FNDC1: variants seen among roughly 807,000 people sequenced by gnomAD.
FNDC1 encodes the protein fibronectin type III domain-containing protein 1.
A neutral mutation model predicts 168.0 loss-of-function variants in FNDC1; 96 were observed. The ratio of observed to expected loss-of-function variants is 0.57; its 90% CI spans 0.48 to 0.68. FNDC1 has a LOEUF of 0.68. Among genes scored for constraint, FNDC1 ranks in the 30% least tolerant of loss-of-function variants. The pLI is 0.00. For missense variants in FNDC1, 2,587 were observed against 2,482.1 expected, an observed-to-expected ratio of 1.04 and a Z score of -0.90; for synonymous variants, 1,099 against 1,025.9, an observed-to-expected ratio of 1.07 and a Z score of -1.36.
chr6:159,182,400 C>T (rs1034854163), intron 1 of FNDC1, among the ~76,000 whole-genome samples: 2 of 152,214 alleles, frequency 1.3e-5, no homozygotes, highest in Non-Finnish European at 2.9e-5. Flanking sequence ...TCTTGGAATT[C>T]AAGCCCTGGA....
intron 14 of FNDC1, among the ~76,000 whole-genome samples, chr6:159,242,771 TG>T (rs1394350076): frequency 6.6e-6 from 1 of 152,262 alleles, no homozygotes; most frequent in African/African-American, 2.4e-5. Flanking sequence ...TGGGACATTT[TG>T]TATAAATGGA....
intron 1 of FNDC1, among the ~76,000 whole-genome samples, chr6:159,174,101 A>G (rs1263371378): frequency 6.6e-6 from 1 of 152,246 alleles, no homozygotes; most frequent in Non-Finnish European, 1.5e-5. Context: ...AGGTATTTAA[A>G]GGTATAAAAG....
chr6:159,267,208 C>T (rs933741616), intron 21 of FNDC1, among the ~76,000 whole-genome samples: 2 of 151,804 alleles, frequency 1.3e-5, no homozygotes, highest in Non-Finnish European at 2.9e-5. Context: ...CCAACAAGTA[C>T]GGTCTGTCTC....
At chr6:159,249,300 A>G (rs1197552768) in intron 16 of FNDC1, 118 bp downstream of exon 16, 2 of 979,132 alleles carry the variant, frequency 2.0e-6, no homozygotes, top group Admixed American at 2.9e-5. Context: ...TTTTTCCAGA[A>G]TGAAGTTTCC....
At chr6:159,259,580 T>A (rs1288495436) in intron 18 of FNDC1, among the ~76,000 whole-genome samples, 1 of 152,204 alleles carries the variant, frequency 6.6e-6, no homozygotes, top group Non-Finnish European at 1.5e-5. Context: ...TCCTTCCTTA[T>A]GTTTTAATTT....
chr6:159,171,294 C>T (rs1390121183), intron 1 of FNDC1, among the ~76,000 whole-genome samples: 1 of 152,216 alleles, frequency 6.6e-6, no homozygotes, highest in African/African-American at 2.4e-5. Flanking sequence ...AGGACAGGCA[C>T]ATTTCAGAAT....
At chr6:159,237,996 T>C (rs530791409) in intron 12 of FNDC1, among the ~76,000 whole-genome samples, 2 of 152,342 alleles carry the variant, frequency 1.3e-5, no homozygotes, top group African/African-American at 4.8e-5. Flanking sequence ...ATGTACTTAA[T>C]GGTAAAAATA....
At chr6:159,236,624 C>T (rs1353099175) in intron 12 of FNDC1, among the ~76,000 whole-genome samples, 1 of 152,218 alleles carries the variant, frequency 6.6e-6, no homozygotes, top group East Asian at 1.9e-4. Flanking sequence ...CAATGGATGG[C>T]CGTTCAAAGG....
At chr6:159,267,740 A>T in intron 21 of FNDC1, 64 bp from the exon 22 acceptor site, 1 of 1,590,072 alleles carries the variant, frequency 6.3e-7, no homozygotes, top group Admixed American at 1.8e-5. Context: ...TTGTGCAAAA[A>T]AACTCCTAAA....
Position 159,249,108 on chromosome 6 carries a change from T to A in FNDC1, c.4760T>A (p.Val1587Glu). ...EPSTTATTPR[V>E]IPEEGAISSF... ...TCGACCACTGCTACCACACCGAGGGTGATCCCAGAGGAAGGCGCCATCAGT... is the reference window on the plus strand; with the variant it reads ...TCGACCACTGCTACCACACCGAGGGAGATCCCAGAGGAAGGCGCCATCAGT... Residue 1587 changes from valine to glutamate, a missense_variant, in exon 16 of 23, where the codon GTG becomes GAG. Val to Glu is a moderately radical substitution (Grantham distance 121). Coordinates refer to ENST00000297267, the MANE Select transcript of FNDC1 (RefSeq NM_032532.3). 1 of 1,609,056 alleles carries A rather than the reference T, an allele frequency of 6.2e-7. No individual in the cohort carries two copies. Among genetic ancestry groups the A allele is most frequent in the South Asian group, 1.1e-5 (1 of 89,670 alleles).
At chr6:159,200,892 G>A (rs546496466) in intron 4 of FNDC1, among the ~76,000 whole-genome samples, 1 of 152,338 alleles carries the variant, frequency 6.6e-6, no homozygotes, top group South Asian at 2.1e-4. Context: ...ACCAGATTAG[G>A]ATATTTATAG....
At chr6:159,181,830 G>T (rs901975825) in intron 1 of FNDC1, among the ~76,000 whole-genome samples, 2 of 152,188 alleles carry the variant, frequency 1.3e-5, no homozygotes, top group East Asian at 3.8e-4. Context: ...GATGAAGGCA[G>T]TCTTGTTCTA....
chr6:159,222,513 C>A (rs1782849629), intron 6 of FNDC1, among the ~76,000 whole-genome samples: 1 of 152,064 alleles, frequency 6.6e-6, no homozygotes. Context: ...AAAAACGAAA[C>A]AAAAAACTAA....
intron 2 of FNDC1, 129 bp from the exon 3 acceptor site, chr6:159,199,867 T>C (rs1458865109): frequency 7.1e-6 from 5 of 705,712 alleles, no homozygotes; most frequent in African/African-American, 5.3e-5. Context: ...ATTATGCTTG[T>C]CACTGAATTT....
At chr6:159,256,343 C>T (rs990228762) in intron 17 of FNDC1, among the ~76,000 whole-genome samples, 180 bp from the exon 18 acceptor site, 30 of 152,188 alleles carry the variant, frequency 2.0e-4, no homozygotes, top group Non-Finnish European at 7.3e-5. Flanking sequence ...CATCTGGATT[C>T]AGCAGAAGGT....
At position 159,239,762 on chromosome 6, in the gene FNDC1, ACGACCACCACCCG is replaced by A. The variant is rs752547302; in HGVS notation, c.4428_4440del (p.Thr1477AlafsTer46). On this transcript the variant is annotated frameshift_variant, in exon 14 of 23. Transcript: ENST00000297267. LOFTEE classifies it high-confidence loss of function. ...GCCCACCACTGCCACCACCCGCCGC[ACGACCACCACCCG>A]CCGCACGACCACCAGGCGTCCAACA... 0.028 allele frequency: 1,051 copies of A among 37,736 alleles called. 1 individual carries two copies. Among genetic ancestry groups the A allele is most frequent in the African/African-American group, 0.074 (467 of 6,318 alleles). The allele number at this position is 37,736 out of a possible 1,614,324, so 2.3% of individuals were successfully genotyped here.
intron 4 of FNDC1, among the ~76,000 whole-genome samples, chr6:159,214,364 A>G (rs954758022): frequency 6.6e-6 from 1 of 152,082 alleles, no homozygotes; most frequent in African/African-American, 2.4e-5. Context: ...TGTAGCAAGT[A>G]AAAAAAACAA....
intron 19 of FNDC1, among the ~76,000 whole-genome samples, chr6:159,263,748 C>T (rs1222814354): frequency 1.3e-5 from 2 of 150,588 alleles, no homozygotes; most frequent in Non-Finnish European, 3.0e-5. Context: ...GGTGACAGAG[C>T]GAGACTCCAT....
chr6:159,260,703 C>T (rs1391969259), intron 18 of FNDC1, among the ~76,000 whole-genome samples: 1 of 152,222 alleles, frequency 6.6e-6, no homozygotes, highest in African/African-American at 2.4e-5. Context: ...AGCAAACGTC[C>T]TGCTCTTTTG....
Sources: gnomAD v4.1 joint callset for allele counts (sites outside exome capture counted in the v4.1 genomes callset) on GRCh38, gnomAD v4.1.1 for gene constraint, MANE v1.5 for transcripts, NCBI Gene and HGNC (gene_info 2026-07-23, HGNC 2026-07-21) for gene names.